LRIG1: variants seen among roughly 807,000 people sequenced by gnomAD.
LRIG1 encodes leucine rich repeats and immunoglobulin like domains 1.
A neutral mutation model predicts 99.2 loss-of-function variants in LRIG1; 48 were observed. That is an observed-to-expected ratio of 0.48 (90% CI 0.38 to 0.62). The LOEUF is 0.62. Among genes scored for constraint, LRIG1 ranks in the 20% least tolerant of loss-of-function variants. The pLI, the probability that LRIG1 is intolerant of heterozygous loss-of-function variation, is 0.00. For missense variants in LRIG1, 1,646 were observed against 1,434.4 expected (o/e 1.15, Z -2.38); for synonymous variants, 772 against 596.1 (o/e 1.29, Z -4.30).
At chr3:66,480,798 G>C (rs1027708139) in intron 1 of LRIG1, among the ~76,000 whole-genome samples, 1 of 152,168 alleles carries the variant, frequency 6.6e-6, no homozygotes, top group African/African-American at 2.4e-5. Flanking sequence ...ATTTAGCAAG[G>C]CTGTGGAAAG....
At chr3:66,429,739 A>C (rs546182255) in intron 3 of LRIG1, among the ~76,000 whole-genome samples, 2 of 152,046 alleles carry the variant, frequency 1.3e-5, no homozygotes, top group South Asian at 4.2e-4. Flanking sequence ...CAGTTGTAAC[A>C]AATGTACCAC....
chr3:66,479,807 G>A (rs894708208), intron 1 of LRIG1, among the ~76,000 whole-genome samples: 1 of 152,222 alleles, frequency 6.6e-6, no homozygotes. Context: ...AAGTGCTGGT[G>A]AGGTAGTGCA....
At chr3:66,380,921 C>T in intron 17 of LRIG1, 60 bp from the exon 18 acceptor site, 5 of 1,555,234 alleles carry the variant, frequency 3.2e-6, no homozygotes, top group Non-Finnish European at 4.4e-6. Flanking sequence ...CGTCCCCACA[C>T]AGAGGACAGG....
intron 6 of LRIG1, among the ~76,000 whole-genome samples, chr3:66,410,482 C>T (rs928618553): frequency 1.4e-4 from 22 of 152,210 alleles, no homozygotes; most frequent in African/African-American, 4.3e-4. Flanking sequence ...CAGCACATGC[C>T]AAGGCCGACT....
At chr3:66,398,912 T>A in intron 10 of LRIG1, 58 bp downstream of exon 10, 1 of 1,442,940 alleles carries the variant, frequency 6.9e-7, no homozygotes, top group Non-Finnish European at 9.7e-7. Flanking sequence ...CTAGCAGAAC[T>A]CCCCGGCAGC....
chr3:66,469,710 A>C (rs1028373305), intron 1 of LRIG1, among the ~76,000 whole-genome samples: 1 of 152,322 alleles, frequency 6.6e-6, no homozygotes, highest in East Asian at 1.9e-4. Context: ...CACTGTGATA[A>C]ACTGATAACA....
At chr3:66,415,468 C>A (rs1559787622) in intron 4 of LRIG1, among the ~76,000 whole-genome samples, 1 of 152,192 alleles carries the variant, frequency 6.6e-6, no homozygotes, top group Non-Finnish European at 1.5e-5. Context: ...AACTGAAAGG[C>A]AAGGTCAGTG....
rs546812616 is a variant in LRIG1 at position 66,440,275 on chromosome 3, C to T, written c.365+11284G>A. Among the ~76,000 whole-genome samples the T allele has an allele frequency of 3.9e-5, 6 of 152,250 alleles. No individual in the cohort carries two copies. The South Asian group carries it at 8.3e-4, about 21-fold the overall frequency. On this transcript the variant is annotated intron_variant, in intron 3 of 18. Coordinates refer to ENST00000273261, the MANE Select transcript of LRIG1 (RefSeq NM_015541.3). ...AGGTTTTGATTTAACTGCCCTGAGA[C>T]GTAGACATCTAGATTTTTTTAAGCT...
chr3:66,416,872 G>A (rs372254707), intron 4 of LRIG1, among the ~76,000 whole-genome samples: 2 of 152,254 alleles, frequency 1.3e-5, no homozygotes, highest in African/African-American at 2.4e-5. Flanking sequence ...TCGTCTTGGA[G>A]TGCTGAGTCC....
intron 10 of LRIG1, among the ~76,000 whole-genome samples, chr3:66,398,418 CT>C (rs578045720): frequency 2.6e-4 from 40 of 152,350 alleles, no homozygotes; most frequent in African/African-American, 9.4e-4. Context: ...AAGGCAAAAC[CT>C]TTCCCAACAG....
chr3:66,482,924 T>C (rs1176709097), intron 1 of LRIG1, among the ~76,000 whole-genome samples: 2 of 152,228 alleles, frequency 1.3e-5, no homozygotes, highest in African/African-American at 2.4e-5. Context: ...ATAATATTTA[T>C]CACCGAACAA....
chr3:66,429,908 A>AAAAACAAAAC (rs373016740), intron 3 of LRIG1, among the ~76,000 whole-genome samples: 4 of 151,972 alleles, frequency 2.6e-5, no homozygotes, highest in African/African-American at 9.7e-5. Flanking sequence ...TCCATTAATT[A>AAAAACAAAAC]AAAACAAAAC....
intron 3 of LRIG1, among the ~76,000 whole-genome samples, chr3:66,422,096 C>A (rs902539895): frequency 6.6e-5 from 10 of 152,060 alleles, no homozygotes; most frequent in African/African-American, 2.4e-4. Flanking sequence ...GCCTGCCCCA[C>A]GAAACCACTT....
At chr3:66,430,233 C>CT (rs140047906) in intron 3 of LRIG1, among the ~76,000 whole-genome samples, 1 of 152,090 alleles carries the variant, frequency 6.6e-6, no homozygotes, top group Non-Finnish European at 1.5e-5. Context: ...CAATTAAAAA[C>CT]TTTTAAAAAG....
intron 2 of LRIG1, among the ~76,000 whole-genome samples, chr3:66,456,679 C>T (rs897959650): frequency 6.6e-6 from 1 of 152,146 alleles, no homozygotes; most frequent in Non-Finnish European, 1.5e-5. Flanking sequence ...TACCATCCCC[C>T]GCACCCCTGC....
At chr3:66,422,870 T>C (rs997868353) in intron 3 of LRIG1, among the ~76,000 whole-genome samples, 19 of 152,196 alleles carry the variant, frequency 1.2e-4, no homozygotes, top group African/African-American at 2.2e-4. Context: ...CTCACAATCA[T>C]GGCAGAAGGC....
chr3:66,407,554 C>T (rs748960068), intron 7 of LRIG1, 63 bp from the exon 8 acceptor site: 101 of 1,585,972 alleles, frequency 6.4e-5, no homozygotes, highest in Non-Finnish European at 4.7e-5. Context: ...CCCACCCCAC[C>T]GGAAATTGGG....
At chr3:66,463,434 T>C (rs1700402201) in intron 1 of LRIG1, among the ~76,000 whole-genome samples, 1 of 152,210 alleles carries the variant, frequency 6.6e-6, no homozygotes, top group South Asian at 2.1e-4. Flanking sequence ...TCTGTGTCAA[T>C]GGTTCAGAAT....
At chr3:66,383,538 G>C in intron 14 of LRIG1, 137 bp from the exon 15 acceptor site, 2 of 796,156 alleles carry the variant, frequency 2.5e-6, no homozygotes, top group South Asian at 3.8e-5. Context: ...GCAAGCTTTG[G>C]AGAAGACCCT....
Sources: allele counts gnomAD v4.1 joint callset (sites outside exome capture counted in the v4.1 genomes callset), GRCh38; gene constraint gnomAD v4.1.1; transcripts MANE v1.5; gene names NCBI Gene and HGNC (gene_info 2026-07-23, HGNC 2026-07-21).